BSN: variants seen among roughly 807,000 people sequenced by gnomAD.
The protein encoded by BSN is protein bassoon.
BSN carries 57 observed loss-of-function variants against 264.8 expected under a neutral mutation model. That is an observed-to-expected ratio of 0.22 (90% CI 0.17 to 0.27). The LOEUF is 0.27. Ranked by LOEUF, BSN falls within the 10% of genes least tolerant of loss-of-function variation. The pLI is 1.00. For synonymous variants in BSN, 2,059 were observed against 2,137.3 expected, an observed-to-expected ratio of 0.96 and a Z score of 1.01; for missense variants, 4,615 against 5,232.5, an observed-to-expected ratio of 0.88 and a Z score of 3.64.
intron 3 of BSN, among the ~76,000 whole-genome samples, chr3:49,648,353 G>A (rs1271611732): frequency 1.3e-5 from 2 of 152,248 alleles, no homozygotes; most frequent in African/African-American, 4.8e-5. Flanking sequence ...CCAAAGTGGA[G>A]TTAGGGCAGC....
Position 49,655,653 on chromosome 3 carries a change from C to T in BSN, c.6097C>T (p.Leu2033=). 1 of 1,613,696 alleles carries T rather than the reference C, an allele frequency of 6.2e-7. No individual in the cohort carries two copies. Among genetic ancestry groups the T allele is most frequent in the Non-Finnish European group, 8.5e-7 (1 of 1,180,002 alleles). The change falls in exon 5 of 12, where the codon CTA becomes TTA. Residue 2033 remains leucine, a synonymous_variant. Coordinates refer to ENST00000296452, the MANE Select transcript of BSN (RefSeq NM_003458.4). ...CCTGGGCTTTGCGGATGGACGCTAC[C>T]TAGGGCAGGGCTTGCAGTATGGCTC... ...YSLGFADGRY[L]GQGLQYGSVT... is the part of the protein sequence containing the mutation.
At position 49,670,056 on chromosome 3, in the gene BSN, C is replaced by G. The variant is rs936809870; in HGVS notation, c.*2571C>G. ...AGGGCTCCTCGCTCACCTCTGGTAG[C>G]TATGGATGGGACAGGAAGCTGCCAA... On this transcript the variant is annotated 3_prime_UTR_variant, in exon 12 of 12. Coordinates refer to ENST00000296452, the MANE Select transcript of BSN (RefSeq NM_003458.4). The G allele has an allele frequency of 6.5e-6, 1 of 152,688 alleles. No homozygotes were observed. The highest frequency in any genetic ancestry group is 1.5e-5 in the Non-Finnish European group (1 of 68,042). The allele number at this position is 152,688 out of a possible 1,614,324, so 9.5% of individuals were successfully genotyped here.
intron 1 of BSN, among the ~76,000 whole-genome samples, chr3:49,587,943 CAA>C (rs1411401298): frequency 6.8e-5 from 1 of 14,714 alleles, no homozygotes; most frequent in Non-Finnish European, 2.3e-4. Flanking sequence ...TTTTTTGAGA[CAA>C]GAGTCTCGCT....
chr3:49,574,386 C>G (rs1026102456), intron 1 of BSN, among the ~76,000 whole-genome samples: 10 of 152,108 alleles, frequency 6.6e-5, no homozygotes, highest in African/African-American at 2.4e-4. Context: ...CATACTCTGG[C>G]AGGTTCCCCA....
In BSN at chr3:49,660,321, C is replaced by T. The variant is rs990778427; in HGVS notation, c.8641-165C>T. ...TCCCTCTATGGCAAAGAAACCAAGG[C>T]CTATGGGTGGGCAGGGTAGGCCTCC... is the stretch of plus-strand genomic sequence containing the variant. On this transcript the variant is annotated intron_variant, in intron 5 of 11. Coordinates refer to ENST00000296452, the MANE Select transcript of BSN (RefSeq NM_003458.4). The surrounding 1 kb of genome is among the most constrained non-coding windows in gnomAD (Gnocchi z 7.1). Among the ~76,000 whole-genome samples the T allele has an allele frequency of 1.3e-5, 2 of 151,998 alleles. No homozygotes were observed. The highest frequency in any genetic ancestry group is 4.8e-5 in the African/African-American group (2 of 41,396).
At chr3:49,554,922 T>G in intron 1 of BSN, 96 bp downstream of exon 1, 1 of 743,436 alleles carries the variant, frequency 1.3e-6, no homozygotes, top group Non-Finnish European at 1.8e-6. Flanking sequence ...ACAGCGAGGT[T>G]CGACGTCCGG....
intron 2 of BSN, among the ~76,000 whole-genome samples, chr3:49,626,447 G>T (rs2052341686): frequency 6.6e-6 from 1 of 152,156 alleles, no homozygotes. Flanking sequence ...AGAGGTAAGT[G>T]TGAGATTCTG....
At chr3:49,563,251 C>T (rs1037845562) in intron 1 of BSN, among the ~76,000 whole-genome samples, 2 of 152,152 alleles carry the variant, frequency 1.3e-5, no homozygotes, top group Admixed American at 1.3e-4. Context: ...TTCTGGTAGG[C>T]AGGGGCTCTC....
intron 1 of BSN, among the ~76,000 whole-genome samples, chr3:49,598,098 T>C (rs1398267285): frequency 6.6e-6 from 1 of 152,244 alleles, no homozygotes; most frequent in Non-Finnish European, 1.5e-5. Flanking sequence ...TAATTGTTGC[T>C]TTGAAGTCTT....
chr3:49,602,693 G>A (rs1224603931), intron 1 of BSN, among the ~76,000 whole-genome samples: 1 of 152,020 alleles, frequency 6.6e-6, no homozygotes, highest in African/African-American at 2.4e-5. Flanking sequence ...TGATCCATCC[G>A]CTTGGCCTCC....
At chr3:49,665,562 C>CAACTTGAAGTCTAT (rs2052706901) in intron 11 of BSN, among the ~76,000 whole-genome samples, 1 of 152,256 alleles carries the variant, frequency 6.6e-6, no homozygotes, top group African/African-American at 2.4e-5. Context: ...CTGCACCTCA[C>CAACTTGAAGTCTAT]AACTTGAAGT....
chr3:49,613,303 C>CGAGCGAGAGAGAGAGAGAGAGA (rs1553662875), intron 1 of BSN, among the ~76,000 whole-genome samples: 8 of 47,330 alleles, frequency 1.7e-4, no homozygotes, highest in African/African-American at 5.6e-4. Context: ...ACACACAGAG[C>CGAGCGAGAGAGAGAGAGAGAGA]GAGAGAGAGA....
Position 49,658,068 on chromosome 3 carries a change from A to T in BSN, c.8512A>T (p.Thr2838Ser). The stretch of plus-strand genomic sequence containing the variant: ...GGCTGACAGCGCTCTCCGCCAGCAG[A>T]CGCTGCCTCGCCCCATGAAGACCCT... ...FTADSALRQQ[T>S]LPRPMKTLQR... Residue 2838 changes from threonine (T) to serine (S), a missense_variant, in exon 5 of 12, where the codon ACG becomes TCG. Thr to Ser is a moderately conservative substitution (Grantham distance 58). Coordinates refer to ENST00000296452, the MANE Select transcript of BSN (RefSeq NM_003458.4). 6.2e-7 allele frequency: 1 copy of T among 1,613,390 alleles called. No homozygotes were observed. The highest frequency in any genetic ancestry group is 8.5e-7 in the Non-Finnish European group (1 of 1,179,964).
intron 1 of BSN, among the ~76,000 whole-genome samples, chr3:49,622,628 A>G (rs891692931): frequency 6.6e-6 from 1 of 152,246 alleles, no homozygotes; most frequent in Admixed American, 6.5e-5. Context: ...GCCCATTCAC[A>G]TGTTGTAAAA....
At position 49,624,072 on chromosome 3, in the gene BSN, C is replaced by T. The variant is rs905328757; in HGVS notation, c.225-903C>T. 1.1e-4 allele frequency among the ~76,000 whole-genome samples: 16 copies of T among 152,012 alleles called. No individual in the cohort carries two copies. The East Asian group carries it at 3.1e-3, about 29-fold the overall frequency. ...CTGGAGTGCAGTGGCACGATCTTGGCTCACTGCAAGCTCCACCTCCCGGGT... is the reference window on the plus strand; with the variant it reads ...CTGGAGTGCAGTGGCACGATCTTGGTTCACTGCAAGCTCCACCTCCCGGGT... On this transcript the variant is annotated intron_variant, in intron 1 of 11. Transcript: ENST00000296452.
At chr3:49,667,308 CAAAAA>C (rs34434564) in intron 11 of BSN, among the ~76,000 whole-genome samples, 10 of 118,076 alleles carry the variant, frequency 8.5e-5, no homozygotes, top group Admixed American at 2.5e-4. Context: ...ACTCTTAAGC[CAAAAA>C]AAAAAAAAAA....
chr3:49,655,825 A>G lies in BSN; in HGVS notation c.6269A>G (p.Tyr2090Cys). The G allele has an allele frequency of 6.2e-7, 1 of 1,613,358 alleles. No individual in the cohort carries two copies. The highest frequency in any genetic ancestry group is 1.1e-5 in the South Asian group (1 of 91,086). The change falls in exon 5 of 12, where the codon TAC becomes TGC. Residue 2090 changes from tyrosine to cysteine, a missense_variant. This residue lies in a region of BSN where 3,415 missense variants were observed against 3,866.4 expected (regional missense o/e 0.88). Transcript: ENST00000296452. ...VGFQEASLAQ[Y>C]SATTAREISR... ...TTCCAGGAGGCCAGCCTGGCCCAGT[A>G]CAGTGCCACCACAGCCCGTGAAATC...
Position 49,650,954 on chromosome 3 carries a change from A to C in BSN, c.1861A>C (p.Lys621Gln). 1.2e-6 allele frequency: 2 copies of C among 1,614,176 alleles called. No homozygotes were observed. The highest frequency in any genetic ancestry group is 1.7e-6 in the Non-Finnish European group (2 of 1,180,036). Residue 621 changes from lysine (K) to glutamine (Q), a missense_variant, in exon 4 of 12, where the codon AAG (lysine) becomes CAG (glutamine). Transcript: ENST00000296452. ...CCCCACTAAAGCTGAGCCCATGCCGAAGCCACCTCCAGAGACTACCCCAAC... is the reference window on the plus strand; with the variant it reads ...CCCCACTAAAGCTGAGCCCATGCCGCAGCCACCTCCAGAGACTACCCCAAC... ...RVPTKAEPMP[K>Q]PPPETTPTPA...
intron 1 of BSN, among the ~76,000 whole-genome samples, chr3:49,615,882 T>A (rs192625712): frequency 6.6e-6 from 1 of 152,110 alleles, no homozygotes; most frequent in African/African-American, 2.4e-5. Context: ...GACTGGCGAT[T>A]AAGAGTGTAA....
Sources: gnomAD v4.1 joint callset for allele counts (sites outside exome capture counted in the v4.1 genomes callset) on GRCh38, gnomAD v4.1.1 for gene constraint, gnomAD v4.1.1 regional missense constraint, Gnocchi (gnomAD v3.1) non-coding constraint, MANE v1.5 for transcripts, NCBI Gene and HGNC (gene_info 2026-07-23, HGNC 2026-07-21) for gene names.